The following GRIK1 variants were observed in gnomAD, a reference collection of about 807,000 sequenced individuals.
GRIK1 encodes glutamate receptor ionotropic, kainate 1.
In GRIK1, 69 loss-of-function variants were observed where a neutral mutation model predicts 105.7. The ratio of observed to expected loss-of-function variants is 0.65; its 90% confidence interval spans 0.54 to 0.80. The LOEUF (loss-of-function observed/expected upper bound fraction) is 0.80, where lower values mean the gene tolerates loss of function less well. GRIK1 is among the 30% of genes least tolerant of loss of function. The probability of loss-of-function intolerance (pLI) is 0.00; values close to 1 mark genes in which losing one functional copy is unlikely to be tolerated. For synonymous variants in GRIK1, 438 were observed against 431.3 expected (o/e 1.02, Z -0.19); for missense variants, 1,109 against 1,167.3 (o/e 0.95, Z 0.73).
At chr21:29,666,328 G>C (rs1364261636) in intron 4 of GRIK1, among the ~76,000 whole-genome samples, 3 of 152,066 alleles carry the variant, frequency 2.0e-5, no homozygotes, top group Non-Finnish European at 2.9e-5. Flanking sequence ...GCTTGAACCT[G>C]GGAGGTGGAG....
chr21:29,795,820 A>G (rs2066539295), intron 1 of GRIK1, among the ~76,000 whole-genome samples: 1 of 152,100 alleles, frequency 6.6e-6, no homozygotes, highest in Non-Finnish European at 1.5e-5. Flanking sequence ...GTTGCATATC[A>G]TGAATCTTTT....
At chr21:29,843,711 C>G (rs1202781146) in intron 1 of GRIK1, among the ~76,000 whole-genome samples, 1 of 152,158 alleles carries the variant, frequency 6.6e-6, no homozygotes, top group Non-Finnish European at 1.5e-5. Context: ...AAGATAGATG[C>G]ATTTTAACTT....
chr21:29,610,055 A>G (rs1006172696), intron 7 of GRIK1, among the ~76,000 whole-genome samples: 2 of 152,174 alleles, frequency 1.3e-5, no homozygotes, highest in African/African-American at 2.4e-5. Context: ...CTCTCTGGAA[A>G]CTGGTCTGTT....
intron 1 of GRIK1, among the ~76,000 whole-genome samples, chr21:29,711,384 T>C (rs1321474600): frequency 6.6e-6 from 1 of 152,156 alleles, no homozygotes; most frequent in African/African-American, 2.4e-5. Flanking sequence ...AGCCTACATG[T>C]GTAATAAGCT....
chr21:29,788,214 G>C (rs2066311744), intron 1 of GRIK1, among the ~76,000 whole-genome samples: 1 of 152,194 alleles, frequency 6.6e-6, no homozygotes, highest in Admixed American at 6.5e-5. Flanking sequence ...GTCCCACAGA[G>C]TGAAATGAAG....
intron 1 of GRIK1, among the ~76,000 whole-genome samples, chr21:29,712,075 T>TACACACAC (rs1209093507): frequency 2.4e-5 from 2 of 84,736 alleles, no homozygotes; most frequent in African/African-American, 4.1e-5. Context: ...AGTATATGTA[T>TACACACAC]ACATACATAC....
At chr21:29,769,812 T>C (rs2065768828) in intron 1 of GRIK1, among the ~76,000 whole-genome samples, 1 of 152,154 alleles carries the variant, frequency 6.6e-6, no homozygotes, top group African/African-American at 2.4e-5. Context: ...CAACCAACCC[T>C]GCTAACATCT....
intron 1 of GRIK1, among the ~76,000 whole-genome samples, chr21:29,904,218 C>T (rs2070520477): frequency 6.6e-6 from 1 of 151,796 alleles, no homozygotes; most frequent in African/African-American, 2.4e-5. Context: ...ATGTGTATAC[C>T]TATGTAACAA....
intron 1 of GRIK1, among the ~76,000 whole-genome samples, chr21:29,875,738 T>C (rs1400664108): frequency 2.0e-5 from 3 of 152,232 alleles, no homozygotes; most frequent in African/African-American, 4.8e-5. Context: ...TATGATGTAC[T>C]CTTTGCAGAA....
chr21:29,699,669 G>T (rs1387841332), intron 1 of GRIK1, among the ~76,000 whole-genome samples: 10 of 147,042 alleles, frequency 6.8e-5, no homozygotes, highest in African/African-American at 2.3e-4. Flanking sequence ...TTTTTTTTGA[G>T]ATGGAGTCTC....
intron 7 of GRIK1, chr21:29,601,290 T>C (rs2061514026): frequency 8.3e-6 from 4 of 481,634 alleles, no homozygotes; most frequent in African/African-American, 7.8e-5. Context: ...ATGCTCTTCG[T>C]TCTCAGGCCT....
chr21:29,771,203 T>A (rs1432853904), intron 1 of GRIK1, among the ~76,000 whole-genome samples: 1 of 152,224 alleles, frequency 6.6e-6, no homozygotes, highest in Non-Finnish European at 1.5e-5. Flanking sequence ...TGTCAACATT[T>A]TATTTTATCT....
chr21:29,603,175 T>C (rs1008836667), intron 7 of GRIK1, among the ~76,000 whole-genome samples: 1 of 152,128 alleles, frequency 6.6e-6, no homozygotes, highest in Non-Finnish European at 1.5e-5. Context: ...ATTTTCTGGC[T>C]ACCATTCAGA....
intron 1 of GRIK1, among the ~76,000 whole-genome samples, chr21:29,765,801 T>A (rs1214965864): frequency 6.6e-6 from 1 of 152,158 alleles, no homozygotes; most frequent in African/African-American, 2.4e-5. Context: ...GCACTTCCCT[T>A]CAATATTTCT....
At chr21:29,872,104 A>G (rs548045981) in intron 1 of GRIK1, among the ~76,000 whole-genome samples, 9 of 152,088 alleles carry the variant, frequency 5.9e-5, no homozygotes, top group Non-Finnish European at 1.2e-4. Flanking sequence ...AACTGTAAAT[A>G]TTAATGGTGT....
intron 17 of GRIK1, 54 bp from the exon 18 acceptor site, chr21:29,537,439 G>C: frequency 1.4e-6 from 2 of 1,404,076 alleles, no homozygotes; most frequent in South Asian, 2.6e-5. Flanking sequence ...CGCATGTGCC[G>C]TTGACCTGCC....
chr21:29,904,050 C>T (rs1260350867), intron 1 of GRIK1, among the ~76,000 whole-genome samples: 1 of 152,128 alleles, frequency 6.6e-6, no homozygotes, highest in African/African-American at 2.4e-5. Flanking sequence ...TGCATGTTCT[C>T]ACTCATAAGT....
chr21:29,571,077 C>T (rs746531853), intron 14 of GRIK1, among the ~76,000 whole-genome samples: 18 of 152,098 alleles, frequency 1.2e-4, no homozygotes, highest in Admixed American at 9.8e-4. Flanking sequence ...TTCCACTGGG[C>T]GCAGTGGCTC....
intron 1 of GRIK1, among the ~76,000 whole-genome samples, chr21:29,785,229 A>G (rs186245475): frequency 6.6e-6 from 1 of 152,334 alleles, no homozygotes; most frequent in Admixed American, 6.5e-5. Flanking sequence ...GCCTAATGCC[A>G]TGCTTAAGTT....
Sources: gnomAD v4.1 joint callset for allele counts (sites outside exome capture counted in the v4.1 genomes callset) on GRCh38, gnomAD v4.1.1 for gene constraint, MANE v1.5 for transcripts, NCBI Gene and HGNC (gene_info 2026-07-23, HGNC 2026-07-21) for gene names.